The following SH3D19 variants were observed in gnomAD, a reference collection of about 807,000 sequenced individuals.
The protein encoded by SH3D19 is SH3 domain containing 19, also known as SH3 domain-containing protein 19.
A neutral mutation model predicts 112.1 loss-of-function variants in SH3D19; 58 were observed. That is an observed-to-expected ratio of 0.52 (90% confidence interval 0.42 to 0.64). SH3D19 has a LOEUF of 0.64. Ranked by LOEUF, SH3D19 falls within the 30% of genes least tolerant of loss-of-function variation. The probability of loss-of-function intolerance (pLI) is 0.00; values close to 1 mark genes in which losing one functional copy is unlikely to be tolerated. For synonymous variants in SH3D19, 391 were observed against 448.5 expected, an observed-to-expected ratio of 0.87 and a Z score of 1.62; for missense variants, 1,090 against 1,263.4, an observed-to-expected ratio of 0.86 and a Z score of 2.08.
chr4:151,279,615 G>A (rs1234480470), intron 1 of SH3D19, among the ~76,000 whole-genome samples: 1 of 152,178 alleles, frequency 6.6e-6, no homozygotes, highest in Non-Finnish European at 1.5e-5. Context: ...CTACAATCAG[G>A]GGAGTGGTCT....
chr4:151,303,943 A>AT (rs397717601), intron 1 of SH3D19, among the ~76,000 whole-genome samples: 40,169 of 146,500 alleles, frequency 0.27, 6,088 homozygotes, highest in East Asian at 0.38. Context: ...TTGCTCTCTC[A>AT]TTTTTTTTTT....
chr4:151,247,532 T>C (rs1375826620), intron 1 of SH3D19, among the ~76,000 whole-genome samples: 2 of 152,212 alleles, frequency 1.3e-5, no homozygotes, highest in Non-Finnish European at 2.9e-5. Context: ...TTCCATAAAA[T>C]TTACCTGCTT....
At chr4:151,232,766 C>G (rs1003939197) in intron 1 of SH3D19, among the ~76,000 whole-genome samples, 4 of 152,204 alleles carry the variant, frequency 2.6e-5, no homozygotes, top group Non-Finnish European at 5.9e-5. Context: ...GAAGCTGTCC[C>G]TGATTCCTCT....
At chr4:151,316,089 C>A (rs967815701) in intron 1 of SH3D19, among the ~76,000 whole-genome samples, 1 of 152,090 alleles carries the variant, frequency 6.6e-6, no homozygotes, top group Non-Finnish European at 1.5e-5. Context: ...GCCAGGTAAT[C>A]AAGGTCAGTA....
chr4:151,311,352 T>C (rs1253304856), intron 1 of SH3D19, among the ~76,000 whole-genome samples: 1 of 151,110 alleles, frequency 6.6e-6, no homozygotes, highest in African/African-American at 2.4e-5. Flanking sequence ...GCCATGATCA[T>C]GCCACTGCAC....
intron 1 of SH3D19, among the ~76,000 whole-genome samples, chr4:151,227,523 TTTTAA>T (rs1685195209): frequency 6.6e-6 from 1 of 152,350 alleles, no homozygotes; most frequent in South Asian, 2.1e-4. Flanking sequence ...AACTTTTCTG[TTTTAA>T]TTTAACTTGG....
chr4:151,286,068 C>T (rs1580409621), intron 1 of SH3D19, among the ~76,000 whole-genome samples: 1 of 146,922 alleles, frequency 6.8e-6, no homozygotes, highest in East Asian at 2.0e-4. Context: ...TGGTGGTACA[C>T]TTGTGGTCCC....
intron 1 of SH3D19, chr4:151,282,512 C>A (rs6849871): frequency 7.8e-7 from 1 of 1,274,572 alleles, no homozygotes; most frequent in Non-Finnish European, 1.1e-6. Context: ...AAATATTTTT[C>A]AACAAAACCA....
rs1579811705 is a variant in SH3D19, at chr4:151,152,078, A to G, written c.1756-2517T>C. ...ATTTGCAACAGTAAGAAAATTTTAA[A>G]TCAGAAAAAAAGAGTGGCATATTCA... On this transcript the variant is annotated intron_variant, in intron 9 of 19. Coordinates refer to ENST00000604030, the MANE Select transcript of SH3D19 (RefSeq NM_001378122.1). Among the ~76,000 whole-genome samples the G allele has an allele frequency of 3.3e-5, 5 of 152,330 alleles. No homozygotes were observed. In the South Asian group the frequency reaches 1.0e-3, roughly 32 times the overall value.
intron 1 of SH3D19, among the ~76,000 whole-genome samples, chr4:151,317,777 C>T (rs1038169975): frequency 1.3e-5 from 2 of 151,986 alleles, no homozygotes; most frequent in African/African-American, 4.8e-5. Context: ...AGTTCGAGAC[C>T]AGCCAGGCCA....
rs759358475 is a variant in SH3D19, at chr4:151,159,361, A to T, written c.1643-9T>A. 4 of 1,453,464 alleles carry T rather than the reference A, an allele frequency of 2.8e-6. No homozygotes were observed. Among genetic ancestry groups the T allele is most frequent in the Non-Finnish European group, 1.9e-6 (2 of 1,060,578 alleles). 90.0% of individuals were successfully genotyped at this position (1,453,464 alleles called of 1,614,324 possible). A position where few individuals can be genotyped will look rare whatever the true frequency, so the allele number is the denominator to read the frequency against. On this transcript the variant is annotated splice_polypyrimidine_tract_variant and intron_variant, in intron 8 of 19. Transcript: ENST00000604030. The stretch of plus-strand genomic sequence containing the variant: ...TGGATCCTCATGTAAACCTGGAAAA[A>T]GTAGCAGTAATTCATCAATAATTTC...
chr4:151,283,322 T>C, intron 1 of SH3D19: 1 of 1,599,492 alleles, frequency 6.3e-7, no homozygotes, highest in Non-Finnish European at 8.6e-7. Context: ...TTTTTAAACA[T>C]GAGATCTTAA....
At chr4:151,285,455 T>C (rs1774653556) in intron 1 of SH3D19, among the ~76,000 whole-genome samples, 1 of 152,106 alleles carries the variant, frequency 6.6e-6, no homozygotes, top group Admixed American at 6.6e-5. Flanking sequence ...GAGAGAAATA[T>C]GGAAATTCAC....
At chr4:151,303,525 T>C (rs1368724726) in intron 1 of SH3D19, among the ~76,000 whole-genome samples, 1 of 152,236 alleles carries the variant, frequency 6.6e-6, no homozygotes, top group African/African-American at 2.4e-5. Flanking sequence ...TAAACATTCA[T>C]TGTAAGTAAC....
At chr4:151,206,158 A>G (rs1019844370) in intron 2 of SH3D19, among the ~76,000 whole-genome samples, 2 of 152,250 alleles carry the variant, frequency 1.3e-5, no homozygotes, top group Admixed American at 6.5e-5. Flanking sequence ...AATCTTAAAT[A>G]GTATCAGAAA....
chr4:151,203,135 TC>T (rs1394405412), intron 2 of SH3D19, among the ~76,000 whole-genome samples: 2 of 152,040 alleles, frequency 1.3e-5, no homozygotes, highest in Admixed American at 1.3e-4. Flanking sequence ...CAGGCCACAG[TC>T]CTAACACCAA....
At chr4:151,174,552 C>T (rs1759607168) in intron 7 of SH3D19, 118 bp downstream of exon 7, 1 of 847,042 alleles carries the variant, frequency 1.2e-6, no homozygotes, top group Non-Finnish European at 1.7e-6. Flanking sequence ...CATGCATGTG[C>T]ACATACTTGT....
intron 1 of SH3D19, among the ~76,000 whole-genome samples, chr4:151,246,547 T>C (rs1233751703): frequency 6.6e-6 from 1 of 152,210 alleles, no homozygotes; most frequent in East Asian, 1.9e-4. Flanking sequence ...CTCCAGGAAA[T>C]AGAAAGGTGA....
intron 2 of SH3D19, among the ~76,000 whole-genome samples, chr4:151,191,724 C>A (rs1762661392): frequency 6.6e-6 from 1 of 151,922 alleles, no homozygotes; most frequent in East Asian, 1.9e-4. Context: ...CGGCTCACTG[C>A]AAGCTTCACC....
Sources: allele counts gnomAD v4.1 joint callset (sites outside exome capture counted in the v4.1 genomes callset), GRCh38; gene constraint gnomAD v4.1.1; transcripts MANE v1.5; gene names NCBI Gene and HGNC (gene_info 2026-07-23, HGNC 2026-07-21).